Variants in TMEM114 observed in about 807,000 individuals in gnomAD.
The protein encoded by TMEM114 is transmembrane protein 114, also known as claudin-26.
In TMEM114, 6 loss-of-function variants were observed where a neutral mutation model predicts 6.2. The observed-to-expected ratio is 0.97, with a 90% CI of 0.53 to 1.91. The LOEUF (loss-of-function observed/expected upper bound fraction) is 1.91. Ranked by LOEUF, TMEM114 falls within the 40% of genes most tolerant of loss-of-function variation. The pLI is 0.01. For synonymous variants in TMEM114, 104 were observed against 73.0 expected (o/e 1.42, Z -2.16); for missense variants, 218 against 158.3 (o/e 1.38, Z -2.02).
chr16:8,584,992 G>C (rs1221652926), intron 2 of TMEM114, among the ~76,000 whole-genome samples: 3 of 151,894 alleles, frequency 2.0e-5, no homozygotes, highest in Admixed American at 1.3e-4. Flanking sequence ...ACCTGAGACT[G>C]GGTAATTTAT....
chr16:8,556,283 C>G (rs779114922), intron 2 of TMEM114, among the ~76,000 whole-genome samples: 1 of 152,210 alleles, frequency 6.6e-6, no homozygotes, highest in Admixed American at 6.5e-5. Flanking sequence ...CAGCCCATCA[C>G]TCAAGCTATA....
the TMEM114 span, among the ~76,000 whole-genome samples, chr16:8,532,334 T>C: frequency 6.6e-6 from 1 of 152,144 alleles, no homozygotes; most frequent in Non-Finnish European, 1.5e-5. Flanking sequence ...CCACATCCTC[T>C]CTCTGGGACT....
intron 2 of TMEM114, among the ~76,000 whole-genome samples, chr16:8,557,226 A>G (rs928765776): frequency 5.9e-5 from 9 of 152,140 alleles, no homozygotes; most frequent in African/African-American, 1.9e-4. Context: ...GGGATGCTAT[A>G]TGACTTCTGA....
chr16:8,568,932 G>A (rs1190587588), downstream of TMEM114, among the ~76,000 whole-genome samples: 1 of 152,198 alleles, frequency 6.6e-6, no homozygotes, highest in Admixed American at 6.5e-5. Flanking sequence ...GCCCCACCTC[G>A]GCATTTATGC....
chr16:8,542,875 G>C (rs1900555925), intron 2 of TMEM114, among the ~76,000 whole-genome samples: 1 of 152,146 alleles, frequency 6.6e-6, no homozygotes, highest in African/African-American at 2.4e-5. Flanking sequence ...TCTTAGGCCA[G>C]ATTGAAATGC....
chr16:8,565,137 A>G (rs972544632), downstream of TMEM114, among the ~76,000 whole-genome samples: 3 of 150,468 alleles, frequency 2.0e-5, no homozygotes, highest in Admixed American at 6.7e-5. Flanking sequence ...AAGCAAATGG[A>G]TGGATAATGA....
At chr16:8,563,312 A>G (rs1398133771) in intron 2 of TMEM114, among the ~76,000 whole-genome samples, 2 of 150,914 alleles carry the variant, frequency 1.3e-5, no homozygotes, top group African/African-American at 2.5e-5. Context: ...TGAGTGAGTG[A>G]GGGAGGGAGG....
At chr16:8,565,221 G>A (rs901875452), downstream of TMEM114, among the ~76,000 whole-genome samples, 1 of 152,298 alleles carries the variant, frequency 6.6e-6, no homozygotes, top group South Asian at 2.1e-4. Context: ...ATGAATAAGT[G>A]AGTGAATGAA....
chr16:8,582,816 T>C (rs1254292655), intron 2 of TMEM114, among the ~76,000 whole-genome samples: 3 of 151,946 alleles, frequency 2.0e-5, no homozygotes, highest in Admixed American at 2.0e-4. Flanking sequence ...GGAGAATTGC[T>C]TGAACCCAGG....
Position 8,589,235 on chromosome 16 carries a change from G to T in TMEM114, c.279C>A (p.Ser93Arg), listed in dbSNP as rs1902408883. Reference protein sequence around the residue: ...NPFRLENVTVSESSRQLLTMH... With the variant: ...NPFRLENVTVRESSRQLLTMH... Reference sequence around the variant, plus strand: ...CACTGAGAAGTTGCCGGCTCGATTCGCTGACTGTCACGTTCTCCAGCCTGA... The same window carrying T: ...CACTGAGAAGTTGCCGGCTCGATTCTCTGACTGTCACGTTCTCCAGCCTGA... Residue 93 changes from serine (S) to arginine (R), a missense_variant, in exon 2 of 4, where the codon AGC becomes AGA. By Grantham distance (110) the Ser-to-Arg change is moderately radical (BLOSUM62 -1). Transcript: ENST00000620492. 1.5e-5 allele frequency: 6 copies of T among 398,948 alleles called. No homozygotes were observed. Among genetic ancestry groups the T allele is most frequent in the Non-Finnish European group, 1.8e-5 (4 of 226,348 alleles). The allele number at this position is 398,948 out of a possible 1,614,324, so 24.7% of individuals were successfully genotyped here. A position where few individuals can be genotyped will look rare whatever the true frequency, so the allele number is the denominator to read the frequency against.
At chr16:8,533,194 A>G (rs918301591), downstream of TMEM114, among the ~76,000 whole-genome samples, 1 of 152,242 alleles carries the variant, frequency 6.6e-6, no homozygotes, top group Non-Finnish European at 1.5e-5. Flanking sequence ...AGCTGATAAA[A>G]TAAAGTAATT....
chr16:8,548,694 G>GTGTATATA (rs1555461967), intron 2 of TMEM114, among the ~76,000 whole-genome samples: 1 of 139,898 alleles, frequency 7.1e-6, no homozygotes, highest in African/African-American at 2.8e-5. Context: ...AAATTGCCAT[G>GTGTATATA]TATATATATA....
chr16:8,561,056 G>A (rs542421796), intron 2 of TMEM114, among the ~76,000 whole-genome samples: 10 of 152,274 alleles, frequency 6.6e-5, no homozygotes, highest in East Asian at 1.9e-4. Context: ...TCGCTACCAC[G>A]AGAACAGTAT....
chr16:8,539,778 G>C (rs1403011105), intron 2 of TMEM114, among the ~76,000 whole-genome samples: 7 of 151,940 alleles, frequency 4.6e-5, no homozygotes, highest in Admixed American at 1.3e-4. Flanking sequence ...AAAAATGGAA[G>C]TAACTTTAAA....
At chr16:8,589,060 G>A (rs1310707907) in intron 2 of TMEM114, among the ~76,000 whole-genome samples, 153 bp downstream of exon 2, 1 of 152,198 alleles carries the variant, frequency 6.6e-6, no homozygotes, top group African/African-American at 2.4e-5. Flanking sequence ...CTGCCCCCCG[G>A]TCTTAAGCCC....
intron 2 of TMEM114, among the ~76,000 whole-genome samples, chr16:8,580,448 C>T (rs1027491177): frequency 2.0e-5 from 3 of 150,562 alleles, no homozygotes; most frequent in Non-Finnish European, 4.4e-5. Context: ...GATCACACCA[C>T]TGCACTCCAT....
chr16:8,542,144 G>GGC (rs1555461292), intron 2 of TMEM114, among the ~76,000 whole-genome samples: 1 of 146,926 alleles, frequency 6.8e-6, no homozygotes, highest in Non-Finnish European at 1.5e-5. Flanking sequence ...ATGATTCGTG[G>GGC]GGGGGGGTCC....
intron 2 of TMEM114, among the ~76,000 whole-genome samples, chr16:8,588,301 A>C (rs1310281734): frequency 3.3e-5 from 5 of 150,658 alleles, no homozygotes; most frequent in African/African-American, 9.8e-5. Context: ...AAAAAAAAAA[A>C]ACCTGCCCAC....
At chr16:8,572,399 GAGGC>G in intron 2 of TMEM114, 175 bp from the exon 3 acceptor site, 1 of 715,820 alleles carries the variant, frequency 1.4e-6, no homozygotes, top group Non-Finnish European at 2.4e-6. Context: ...AACAGTGGTT[GAGGC>G]TCATCTCGTG....
Sources: gnomAD v4.1 joint callset for allele counts (sites outside exome capture counted in the v4.1 genomes callset) on GRCh38, gnomAD v4.1.1 for gene constraint, MANE v1.5 for transcripts, NCBI Gene and HGNC (gene_info 2026-07-23, HGNC 2026-07-21) for gene names.